DHRSX: variants seen among roughly 807,000 people sequenced by gnomAD.
The protein encoded by DHRSX is polyprenol dehydrogenase.
Under a neutral mutation model 34.0 loss-of-function variants are expected in DHRSX, and 31 were observed. The ratio of observed to expected loss-of-function variants is 0.91; its 90% CI spans 0.69 to 1.23. DHRSX has a LOEUF of 1.23. DHRSX is among the 50% of genes most tolerant of loss of function. The pLI is 0.00. For synonymous variants in DHRSX, 201 were observed against 183.8 expected (o/e 1.09, Z -0.76); for missense variants, 414 against 428.1 (o/e 0.97, Z 0.29).
intron 3 of DHRSX, among the ~76,000 whole-genome samples, chrX:2,308,302 G>C (rs34835339): frequency 0.35 from 52,897 of 151,822 alleles, 10,618 homozygotes; most frequent in Middle Eastern, 0.48. Flanking sequence ...CTCAGAGCCT[G>C]TGAAAAAGGT....
intron 4 of DHRSX, among the ~76,000 whole-genome samples, chrX:2,282,806 G>GA (rs1569483515): frequency 1.4e-5 from 1 of 69,544 alleles, no homozygotes; most frequent in Non-Finnish European, 3.4e-5. Flanking sequence ...AAAGAGAGAA[G>GA]AGAGAAAGAG....
chrX:2,396,630 G>A (rs1480268809), intron 3 of DHRSX, among the ~76,000 whole-genome samples: 1 of 151,748 alleles, frequency 6.6e-6, no homozygotes, highest in Non-Finnish European at 1.5e-5. Flanking sequence ...CACCCGCCTT[G>A]GCCTCCCAAA....
intron 3 of DHRSX, among the ~76,000 whole-genome samples, chrX:2,317,720 G>A (rs1328593424): frequency 6.6e-6 from 1 of 152,072 alleles, no homozygotes; most frequent in African/African-American, 2.4e-5. Flanking sequence ...ATTTTACATG[G>A]CAAAGTGCGG....
chrX:2,356,701 C>G (rs906979805), intron 3 of DHRSX, among the ~76,000 whole-genome samples: 10 of 152,146 alleles, frequency 6.6e-5, no homozygotes, highest in African/African-American at 2.2e-4. Context: ...TCAGCCTCCT[C>G]CATGTGAAGA....
intron 3 of DHRSX, among the ~76,000 whole-genome samples, chrX:2,345,038 C>G (rs1326669632): frequency 6.6e-6 from 1 of 151,554 alleles, no homozygotes; most frequent in Non-Finnish European, 1.5e-5. Flanking sequence ...ACCCTATACC[C>G]TGCTGCCACA....
chrX:2,246,704 A>G (rs866190119), intron 5 of DHRSX, among the ~76,000 whole-genome samples: 15 of 76,710 alleles, frequency 2.0e-4, no homozygotes, highest in South Asian at 1.8e-3. Context: ...AAAAGAAAGA[A>G]AGAGAAAGAA....
intron 5 of DHRSX, among the ~76,000 whole-genome samples, chrX:2,246,706 G>GAGAAAGAAAGAAAGAAAGAA (rs997986324): frequency 1.6e-3 from 172 of 107,498 alleles, no homozygotes; most frequent in East Asian, 9.4e-3. Flanking sequence ...AAGAAAGAAA[G>GAGAAAGAAAGAAAGAAAGAA]AGAAAGAAAG....
intron 2 of DHRSX, among the ~76,000 whole-genome samples, chrX:2,418,493 C>T (rs1667048582): frequency 6.6e-6 from 1 of 152,162 alleles, no homozygotes; most frequent in Non-Finnish European, 1.5e-5. Flanking sequence ...GGGGTGTTTT[C>T]TTCCTTTCCT....
intron 3 of DHRSX, among the ~76,000 whole-genome samples, chrX:2,403,792 G>C (rs146814623): frequency 0.016 from 2,342 of 148,900 alleles, 48 homozygotes; most frequent in Admixed American, 0.035. Flanking sequence ...GGAGGCGGAG[G>C]TTGCAGTGAG....
rs1266464001 is a variant in DHRSX, at chrX:2,221,110, G to C, written c.924C>G (p.Asn308Lys). ...ACCACAGCTGCTGCTGCAGTTTCTG[G>C]TTGTAGGTGACGTGGAGGGACTTGG... is the stretch of plus-strand genomic sequence containing the variant. ...KETKSLHVTY[N>K]QKLQQQLWSK... is the part of the protein sequence containing the mutation. Residue 308 changes from asparagine to lysine, a missense_variant, in exon 7 of 7, where the codon AAC (asparagine) becomes AAG (lysine). By Grantham distance (94) the Asn-to-Lys change is moderately conservative. Transcript: ENST00000334651. 2 of 1,613,962 alleles carry C rather than the reference G, an allele frequency of 1.2e-6. No individual in the cohort carries two copies. Among genetic ancestry groups the C allele is most frequent in the Admixed American group, 1.7e-5 (1 of 60,008 alleles).
intron 3 of DHRSX, among the ~76,000 whole-genome samples, chrX:2,306,755 T>C (rs1333139125): frequency 3.3e-5 from 5 of 152,128 alleles, no homozygotes; most frequent in Admixed American, 3.3e-4. Context: ...TAGTTTTCTA[T>C]TTTTGTCGTG....
At chrX:2,447,948 G>GTT (rs2044160374) in intron 1 of DHRSX, among the ~76,000 whole-genome samples, 1 of 150,966 alleles carries the variant, frequency 6.6e-6, no homozygotes, top group Non-Finnish European at 1.5e-5. Flanking sequence ...GAATCACAAT[G>GTT]CTATGGAAGG....
intron 1 of DHRSX, among the ~76,000 whole-genome samples, chrX:2,434,512 TA>T (rs1234309742): frequency 1.3e-5 from 2 of 151,828 alleles, no homozygotes; most frequent in African/African-American, 4.8e-5. Context: ...TCTACAAAAA[TA>T]AAAATAAATT....
intron 6 of DHRSX, among the ~76,000 whole-genome samples, chrX:2,238,962 C>T (rs2016079797): frequency 6.6e-6 from 1 of 152,088 alleles, no homozygotes; most frequent in South Asian, 2.1e-4. Flanking sequence ...CACAGCAATA[C>T]AGAATTATCA....
At chrX:2,360,956 G>C (rs185241855) in intron 3 of DHRSX, among the ~76,000 whole-genome samples, 121 of 152,286 alleles carry the variant, frequency 7.9e-4, no homozygotes, top group African/African-American at 2.8e-3. Context: ...TTTGGGGAAT[G>C]AGGAAATGGC....
At chrX:2,305,219 GA>G (rs1418168825) in intron 3 of DHRSX, among the ~76,000 whole-genome samples, 1 of 152,080 alleles carries the variant, frequency 6.6e-6, no homozygotes, top group East Asian at 1.9e-4. Context: ...GGGGGTCAGG[GA>G]GGGGGAGAGC....
chrX:2,249,914 A>T (rs1321442678), intron 5 of DHRSX, among the ~76,000 whole-genome samples: 1 of 151,744 alleles, frequency 6.6e-6, no homozygotes, highest in Non-Finnish European at 1.5e-5. Flanking sequence ...CTGTAATCCC[A>T]GGACTTTGGG....
chrX:2,219,726 T>G lies in DHRSX; in HGVS notation c.*1315A>C, dbSNP rs3087785. ...TAGTCAGTGGGATTTTGTCACTTAG[T>G]GGAATGGATAATAAGCCAACCAATG... On this transcript the variant is annotated 3_prime_UTR_variant, in exon 7 of 7. Transcript: ENST00000334651. 131,980 of 152,148 alleles carry G rather than the reference T, an allele frequency of 0.87. 57,773 individuals carry two copies. Among genetic ancestry groups the G allele is most frequent in the African/African-American group, 0.96 (39,900 of 41,532 alleles). 9.4% of individuals were successfully genotyped at this position (152,148 alleles called of 1,614,324 possible).
At chrX:2,387,750 G>A (rs1227096356) in intron 3 of DHRSX, among the ~76,000 whole-genome samples, 6 of 151,592 alleles carry the variant, frequency 4.0e-5, no homozygotes, top group Admixed American at 1.3e-4. Flanking sequence ...ATTAATCATC[G>A]CAGAACCCAT....
Sources: gnomAD v4.1 joint callset for allele counts (sites outside exome capture counted in the v4.1 genomes callset) on GRCh38, gnomAD v4.1.1 for gene constraint, MANE v1.5 for transcripts, NCBI Gene and HGNC (gene_info 2026-07-23, HGNC 2026-07-21) for gene names.